SERPINB12: variants seen among roughly 807,000 people sequenced by gnomAD.
The protein encoded by SERPINB12 is serpin family B member 12, also known as serpin B12.
Under a neutral mutation model 41.1 loss-of-function variants are expected in SERPINB12, and 57 were observed. The ratio of observed to expected loss-of-function variants is 1.39; its 90% confidence interval spans 1.12 to 1.73. The LOEUF is 1.73. Ranked by LOEUF, SERPINB12 falls within the 40% of genes most tolerant of loss-of-function variation. The probability of loss-of-function intolerance (pLI) is 0.00; values close to 1 mark genes in which losing one functional copy is unlikely to be tolerated. For missense variants in SERPINB12, 536 were observed against 501.9 expected, an observed-to-expected ratio of 1.07 and a Z score of -0.65; for synonymous variants, 180 against 181.3, an observed-to-expected ratio of 0.99 and a Z score of 0.06.
chr18:63,552,350 A>G (rs1196966020), intron 1 of SERPINB12, among the ~76,000 whole-genome samples: 3 of 152,238 alleles, frequency 2.0e-5, no homozygotes, highest in Admixed American at 2.0e-4. Flanking sequence ...TGAGAACAAG[A>G]CAATTAATCT....
the SERPINB12 span, among the ~76,000 whole-genome samples, chr18:63,536,667 A>T: frequency 6.6e-6 from 1 of 152,166 alleles, no homozygotes; most frequent in African/African-American, 2.4e-5. Flanking sequence ...GTTAGATTGG[A>T]CAGAACGATG....
intron 3 of SERPINB12, among the ~76,000 whole-genome samples, chr18:63,559,374 G>A (rs1391708359): frequency 2.0e-5 from 3 of 152,006 alleles, no homozygotes; most frequent in Non-Finnish European, 4.4e-5. Context: ...ATAGATGTGG[G>A]AGCCATAATC....
Position 63,567,849 on chromosome 18 carries a change from A to G in SERPINB12, c.*838A>G, listed in dbSNP as rs1472776656. Among the ~76,000 whole-genome samples the G allele has an allele frequency of 3.3e-5, 5 of 152,234 alleles. No homozygotes were observed. Among genetic ancestry groups the G allele is most frequent in the Admixed American group, 2.6e-4 (4 of 15,292 alleles). Reference sequence around the variant, plus strand: ...ATGCACCCAGCACAGGCAGGTGTCAAGAGAAGTGCTGCTGGCATTGTGGAC... The same window carrying G: ...ATGCACCCAGCACAGGCAGGTGTCAGGAGAAGTGCTGCTGGCATTGTGGAC... On this transcript the variant is annotated 3_prime_UTR_variant, in exon 8 of 8. Transcript: ENST00000382768.
chr18:63,567,035 T>C lies in SERPINB12; in HGVS notation c.*24T>C, dbSNP rs1911134828. On this transcript the variant is annotated 3_prime_UTR_variant, in exon 8 of 8. Coordinates refer to ENST00000382768, the MANE Select transcript of SERPINB12 (RefSeq NM_001307928.2). ...AAAAGGGGAGCAGTGTCTAGTACTT[T>C]GGAGCTGGAGGAAAATATCAATACA... is the stretch of plus-strand genomic sequence containing the variant. The C allele has an allele frequency of 6.6e-7, 1 of 1,520,722 alleles. No homozygotes were observed. Among genetic ancestry groups the C allele is most frequent in the Non-Finnish European group, 8.8e-7 (1 of 1,137,174 alleles). The allele number at this position is 1,520,722 out of a possible 1,614,324, so 94.2% of individuals were successfully genotyped here.
intron 6 of SERPINB12, among the ~76,000 whole-genome samples, chr18:63,564,503 G>A (rs1911026742): frequency 1.3e-5 from 2 of 152,198 alleles, no homozygotes; most frequent in Admixed American, 1.3e-4. Flanking sequence ...AACAGAAAGG[G>A]TTGGGTCCCA....
Position 63,558,331 on chromosome 18 carries a change from C to A in SERPINB12, c.169-21C>A, listed in dbSNP as rs73961725. On this transcript the variant is annotated intron_variant, in intron 2 of 7. Transcript: ENST00000382768. ...CCCTCTGTTCATATTATCTGAAAGA[C>A]CCCATCCCGTTATCATGCAGGTACT... 835 of 1,605,072 alleles carry A rather than the reference C, an allele frequency of 5.2e-4. 1 individual carries two copies. The African/African-American group carries it at 0.01, about 20-fold the overall frequency.
At chr18:63,527,017 C>G in the SERPINB12 span, among the ~76,000 whole-genome samples, 1,856 of 152,254 alleles carry the variant, frequency 0.012, 31 homozygotes, top group Admixed American at 0.036. Flanking sequence ...AGAAAAGGTA[C>G]AGTAAAAATA....
At chr18:63,566,217 A>G (rs1030448258) in intron 7 of SERPINB12, among the ~76,000 whole-genome samples, 6 of 152,260 alleles carry the variant, frequency 3.9e-5, no homozygotes, top group African/African-American at 1.2e-4. Flanking sequence ...GCTATGTGCT[A>G]TCACTGTGTT....
At position 63,558,471 on chromosome 18, in the gene SERPINB12, G is replaced by A; in HGVS notation, c.288G>A (p.Glu96=). 1 of 1,612,486 alleles carries A rather than the reference G, an allele frequency of 6.2e-7. No individual in the cohort carries two copies. Among genetic ancestry groups the A allele is most frequent in the South Asian group, 1.1e-5 (1 of 90,732 alleles). ...TGGAGGGGCAGAAAAAAACGACAGA[G>A]CCTCTGGATCAGCAGGTGAACCGCC... ...SSLEGQKKTT[E]PLDQQAGSLN... Residue 96 remains glutamate (E), a synonymous_variant, in exon 3 of 8, where the codon GAG becomes GAA. Transcript: ENST00000382768.
chr18:63,524,205 A>G, the SERPINB12 span, among the ~76,000 whole-genome samples: 8 of 152,194 alleles, frequency 5.3e-5, no homozygotes, highest in Non-Finnish European at 1.0e-4. Context: ...CTAGTTCCGT[A>G]TTAGTATATT....
chr18:63,562,488 C>A (rs983391251), intron 5 of SERPINB12, among the ~76,000 whole-genome samples: 1 of 152,132 alleles, frequency 6.6e-6, no homozygotes, highest in Non-Finnish European at 1.5e-5. Context: ...TTTAGGCTGT[C>A]CTTGGTACCA....
At chr18:63,540,459 G>A (rs1235101862), upstream of SERPINB12, among the ~76,000 whole-genome samples, 1 of 151,964 alleles carries the variant, frequency 6.6e-6, no homozygotes, top group African/African-American at 2.4e-5. Flanking sequence ...CTGCTGATGG[G>A]ATCTCCCTGA....
rs1911197376 is a variant in SERPINB12, at chr18:63,568,702, C to T, written c.*1691C>T. 6.6e-6 allele frequency among the ~76,000 whole-genome samples: 1 copy of T among 152,178 alleles called. No homozygotes were observed. Among genetic ancestry groups the T allele is most frequent in the South Asian group, 2.1e-4 (1 of 4,832 alleles). On this transcript the variant is annotated 3_prime_UTR_variant, in exon 8 of 8. Transcript: ENST00000382768. ...CTTGTGGCTGTCCTCCTCCCAGCTGCCACCAGTCGTTCAGTGTGGCCACGC... is the reference window on the plus strand; with the variant it reads ...CTTGTGGCTGTCCTCCTCCCAGCTGTCACCAGTCGTTCAGTGTGGCCACGC...
chr18:63,528,165 A>G, the SERPINB12 span, among the ~76,000 whole-genome samples: 1 of 152,174 alleles, frequency 6.6e-6, no homozygotes, highest in African/African-American at 2.4e-5. Context: ...AAAATGGACT[A>G]ATACAGTAAT....
chr18:63,566,856 A>G lies in SERPINB12; in HGVS notation c.1123A>G (p.Asn375Asp), dbSNP rs918252239. Residue 375 changes from asparagine to aspartate, a missense_variant, in exon 8 of 8, where the codon AAC (asparagine) becomes GAC (aspartate). By Grantham distance (23) the Asn-to-Asp change is conservative (BLOSUM62 1). Transcript: ENST00000382768. ...IHKTFVEVDE[N>D]GTQAAAATGA... The stretch of plus-strand genomic sequence containing the variant: ...CAAAACCTTTGTGGAGGTGGATGAA[A>G]ACGGTACCCAGGCAGCTGCAGCCAC... The G allele has an allele frequency of 3.1e-6, 5 of 1,614,102 alleles. No homozygotes were observed. The Admixed American group carries it at 8.3e-5, about 27-fold the overall frequency.
At chr18:63,527,474 T>C in the SERPINB12 span, among the ~76,000 whole-genome samples, 17 of 152,306 alleles carry the variant, frequency 1.1e-4, no homozygotes, top group African/African-American at 3.6e-4. Context: ...AGGCTGTCAT[T>C]GAGAATGGTC....
chr18:63,556,889 C>T (rs529630904), intron 2 of SERPINB12, among the ~76,000 whole-genome samples: 15 of 152,244 alleles, frequency 9.9e-5, no homozygotes, highest in South Asian at 2.1e-4. Flanking sequence ...CATCTTTTCT[C>T]ACCTGGATAC....
the SERPINB12 span, among the ~76,000 whole-genome samples, chr18:63,524,437 A>C: frequency 6.6e-6 from 1 of 151,662 alleles, no homozygotes; most frequent in African/African-American, 2.4e-5. Flanking sequence ...TTACAGGTGC[A>C]CACCACCATG....
intron 5 of SERPINB12, among the ~76,000 whole-genome samples, chr18:63,563,564 T>G (rs1332588042): frequency 1.3e-5 from 2 of 152,164 alleles, no homozygotes; most frequent in Non-Finnish European, 2.9e-5. Flanking sequence ...AGTTCTTGAA[T>G]GAGACACTCC....
Sources: gnomAD v4.1 joint callset for allele counts (sites outside exome capture counted in the v4.1 genomes callset) on GRCh38, gnomAD v4.1.1 for gene constraint, MANE v1.5 for transcripts, NCBI Gene and HGNC (gene_info 2026-07-23, HGNC 2026-07-21) for gene names.